INTS7: variants seen among roughly 807,000 people sequenced by gnomAD.
INTS7 encodes integrator complex subunit 7.
Under a neutral mutation model 109.2 loss-of-function variants are expected in INTS7, and 46 were observed. That is an observed-to-expected ratio of 0.42 (90% CI 0.33 to 0.54). The LOEUF (loss-of-function observed/expected upper bound fraction) is 0.54. INTS7 is among the 20% of genes least tolerant of loss of function. The pLI is 0.07. For synonymous variants in INTS7, 412 were observed against 402.9 expected, an observed-to-expected ratio of 1.02 and a Z score of -0.27; for missense variants, 929 against 1,132.4, an observed-to-expected ratio of 0.82 and a Z score of 2.58.
At chr1:211,987,036 C>T (rs1435888608) in intron 8 of INTS7, among the ~76,000 whole-genome samples, 4 of 152,288 alleles carry the variant, frequency 2.6e-5, no homozygotes, top group Admixed American at 1.3e-4. Context: ...GTGGCTCATG[C>T]CTGTAACCCC....
At chr1:212,035,006 CTG>C (rs1252094241) in intron 1 of INTS7, among the ~76,000 whole-genome samples, 1 of 152,232 alleles carries the variant, frequency 6.6e-6, no homozygotes, top group Admixed American at 6.5e-5. Context: ...ACTGAACAGA[CTG>C]AAAACCAATT....
chr1:211,973,772 T>C (rs1185550801), intron 13 of INTS7, among the ~76,000 whole-genome samples: 1 of 152,220 alleles, frequency 6.6e-6, no homozygotes, highest in Non-Finnish European at 1.5e-5. Flanking sequence ...AAGTGAAGAA[T>C]TATTTCCTGT....
rs745508462 is a variant in INTS7 at position 211,966,485 on chromosome 1, A to G, written c.2128T>C (p.Cys710Arg). Residue 710 changes from cysteine (C) to arginine (R), a missense_variant, in exon 16 of 20, where the codon TGT becomes CGT. Cys to Arg is a radical substitution (Grantham distance 180, BLOSUM62 -3). Around this residue, in one of 2 missense-constraint regions of INTS7, gnomAD observed 787 missense variants for 901.1 expected, o/e 0.87. Coordinates refer to ENST00000366994, the MANE Select transcript of INTS7 (RefSeq NM_015434.4). Reference sequence around the variant, plus strand: ...TCTATTGCATGAGATATCAGTAAACAGCTCTGCTGCTGTCTGGATTGATGT... The same window carrying G: ...TCTATTGCATGAGATATCAGTAAACGGCTCTGCTGCTGTCTGGATTGATGT... ...LRNVELQQQS[C>R]LLISHAIEAL... The G allele has an allele frequency of 1.2e-6, 2 of 1,608,038 alleles. No individual in the cohort carries two copies. Among genetic ancestry groups the G allele is most frequent in the Non-Finnish European group, 1.7e-6 (2 of 1,175,246 alleles).
At chr1:212,014,418 T>C (rs1159473655) in intron 4 of INTS7, among the ~76,000 whole-genome samples, 2 of 140,300 alleles carry the variant, frequency 1.4e-5, no homozygotes, top group African/African-American at 2.8e-5. Flanking sequence ...TGACCCGAGA[T>C]TGCGCCACTG....
chr1:212,016,587 C>T (rs1440115623), intron 4 of INTS7, among the ~76,000 whole-genome samples: 1 of 152,192 alleles, frequency 6.6e-6, no homozygotes, highest in African/African-American at 2.4e-5. Context: ...GGGAGAAGCT[C>T]CTCAGTCAAC....
In INTS7 at chr1:212,020,183, C is replaced by A; in HGVS notation, c.310G>T (p.Val104Leu). 17 of 1,609,354 alleles carry A rather than the reference C, an allele frequency of 1.1e-5. No homozygotes were observed. Among genetic ancestry groups the A allele is most frequent in the Non-Finnish European group, 1.4e-5 (17 of 1,176,586 alleles). The change falls in exon 3 of 20, where the codon GTG (valine) becomes TTG (leucine). Residue 104 changes from valine (V) to leucine (L), a missense_variant. By Grantham distance (32) the Val-to-Leu change is conservative. Coordinates refer to ENST00000366994, the MANE Select transcript of INTS7 (RefSeq NM_015434.4). ...LEKILNVDEF[V>L]KRIFSVIHSN... ...TGAATCACAGAAAAAATTCTCTTCA[C>A]AAATTCATCCACATTTAGAATCTTC...
At chr1:211,995,172 C>T (rs1249694717) in intron 7 of INTS7, among the ~76,000 whole-genome samples, 1 of 151,984 alleles carries the variant, frequency 6.6e-6, no homozygotes, top group African/African-American at 2.4e-5. Context: ...TCTTTTAACT[C>T]ACTAGAGGAA....
intron 16 of INTS7, among the ~76,000 whole-genome samples, chr1:211,961,592 G>A (rs1298083127): frequency 6.6e-6 from 1 of 151,978 alleles, no homozygotes; most frequent in Admixed American, 6.6e-5. Context: ...ACCATGCCCG[G>A]CTAATTTTGT....
chr1:211,995,144 C>T (rs1665325362), intron 7 of INTS7, among the ~76,000 whole-genome samples: 1 of 151,924 alleles, frequency 6.6e-6, no homozygotes, highest in Non-Finnish European at 1.5e-5. Context: ...ATAATTATGC[C>T]TAATTAGCAC....
chr1:212,008,531 G>A (rs1421483828), intron 5 of INTS7, among the ~76,000 whole-genome samples: 3 of 152,094 alleles, frequency 2.0e-5, no homozygotes, highest in African/African-American at 7.2e-5. Context: ...TGAGTGAGCT[G>A]ATATAATCCC....
At chr1:212,019,515 T>A (rs1348103078) in intron 3 of INTS7, among the ~76,000 whole-genome samples, 3 of 152,104 alleles carry the variant, frequency 2.0e-5, no homozygotes, top group African/African-American at 7.2e-5. Context: ...ATGAACACTA[T>A]AATTTAGGAA....
At chr1:211,973,899 G>A (rs974202752) in intron 13 of INTS7, among the ~76,000 whole-genome samples, 3 of 152,228 alleles carry the variant, frequency 2.0e-5, no homozygotes, top group African/African-American at 4.8e-5. Flanking sequence ...CCAAAGTCAC[G>A]CTGTGTTAAT....
intron 4 of INTS7, 97 bp downstream of exon 4, chr1:212,016,789 G>T (rs1199562355): frequency 1.2e-5 from 11 of 907,364 alleles, no homozygotes; most frequent in Non-Finnish European, 1.5e-5. Flanking sequence ...ACACTTTCCT[G>T]TATCTCTCAG....
At position 211,959,261 on chromosome 1, in the gene INTS7, TTA is replaced by T. The variant is rs1663503840; in HGVS notation, c.2184-6562_2184-6561del. Among the ~76,000 whole-genome samples, 1 of 152,146 alleles carries T rather than the reference TTA, an allele frequency of 6.6e-6. No individual in the cohort carries two copies. The stretch of plus-strand genomic sequence containing the variant: ...TGCTGACTTGCTCCCATAGGAGACT[TTA>T]TCCCTAAGGGAACTGTCAGACCTCA... On this transcript the variant is annotated intron_variant, in intron 16 of 19. Transcript: ENST00000366994. The surrounding 1 kb of genome is among the most constrained non-coding windows in gnomAD (Gnocchi z 4.2).
At position 211,975,268 on chromosome 1, in the gene INTS7, T is replaced by G. The variant is rs1366864834; in HGVS notation, c.1713A>C (p.Ala571=). The change falls in exon 13 of 20, where the codon GCA becomes GCC. Residue 571 remains alanine, a synonymous_variant. Transcript: ENST00000366994. Reference sequence around the variant, plus strand: ...CTTGCAACCCAGTGAGACACTGTTCTGCATGTGAAAACTCCTTCAAACTAT... The same window carrying G: ...CTTGCAACCCAGTGAGACACTGTTCGGCATGTGAAAACTCCTTCAAACTAT... ...WLNSLKEFSH[A]EQCLTGLQEE... is the part of the protein sequence containing the mutation. The G allele has an allele frequency of 1.2e-6, 2 of 1,613,890 alleles. No homozygotes were observed. Among genetic ancestry groups the G allele is most frequent in the Non-Finnish European group, 1.7e-6 (2 of 1,179,750 alleles).
Position 211,944,857 on chromosome 1 carries a change from A to C in INTS7, c.2528T>G (p.Leu843Arg). 1.2e-6 allele frequency: 2 copies of C among 1,614,222 alleles called. No homozygotes were observed. Among genetic ancestry groups the C allele is most frequent in the Non-Finnish European group, 1.7e-6 (2 of 1,180,022 alleles). ...ACAGACAGACTGAATTTTGCGGAAG[A>C]GTCCTGGTTTAGATCCGTGCTGAAC... ...GVVQHGSKPG[L>R]FRKIQSVCLN... The change falls in exon 19 of 20, where the codon CTC becomes CGC. Residue 843 changes from leucine (L) to arginine (R), a missense_variant. Physicochemically the swap from Leu to Arg is moderately radical, Grantham distance 102. Coordinates refer to ENST00000366994, the MANE Select transcript of INTS7 (RefSeq NM_015434.4).
intron 1 of INTS7, chr1:212,030,607 T>C (rs941396213): frequency 1.5e-4 from 23 of 152,134 alleles, no homozygotes; most frequent in African/African-American, 5.3e-4. Context: ...TATGATTTTA[T>C]AGGTCCGCTT....
chr1:212,027,655 T>TA (rs1666988084), intron 1 of INTS7, among the ~76,000 whole-genome samples: 1 of 152,244 alleles, frequency 6.6e-6, no homozygotes, highest in African/African-American at 2.4e-5. Flanking sequence ...ATTTCGCACT[T>TA]AAAGTGTGCA....
intron 4 of INTS7, 51 bp downstream of exon 4, chr1:212,016,834 AT>A: frequency 6.6e-7 from 1 of 1,515,886 alleles, no homozygotes; most frequent in South Asian, 1.3e-5. Flanking sequence ...TCCTTCAAAA[AT>A]TTTTCTTGGG....
Sources: allele counts gnomAD v4.1 joint callset (sites outside exome capture counted in the v4.1 genomes callset), GRCh38; gene constraint gnomAD v4.1.1; regional missense constraint gnomAD v4.1.1; non-coding constraint Gnocchi (gnomAD v3.1); transcripts MANE v1.5; gene names NCBI Gene and HGNC (gene_info 2026-07-23, HGNC 2026-07-21).